Variants in FSTL5 observed in about 807,000 individuals in gnomAD.
FSTL5 encodes the protein follistatin-related protein 5.
A neutral mutation model predicts 89.1 loss-of-function variants in FSTL5; 62 were observed. The observed-to-expected ratio is 0.70, with a 90% CI of 0.57 to 0.86. The LOEUF is 0.86. FSTL5 is among the 40% of genes least tolerant of loss of function. The pLI, the probability that FSTL5 is intolerant of heterozygous loss-of-function variation, is 0.00. For missense variants in FSTL5, 1,057 were observed against 1,001.6 expected, an observed-to-expected ratio of 1.06 and a Z score of -0.75; for synonymous variants, 383 against 346.2, an observed-to-expected ratio of 1.11 and a Z score of -1.18.
chr4:162,080,551 CTG>C (rs1730052919), intron 2 of FSTL5, among the ~76,000 whole-genome samples: 1 of 151,636 alleles, frequency 6.6e-6, no homozygotes, highest in Non-Finnish European at 1.5e-5. Flanking sequence ...GTTTTATAAA[CTG>C]TGCCATTTAT....
intron 11 of FSTL5, among the ~76,000 whole-genome samples, chr4:161,508,988 C>A (rs1027214815): frequency 1.3e-5 from 2 of 152,176 alleles, no homozygotes; most frequent in Non-Finnish European, 2.9e-5. Context: ...TCAGAGAAAT[C>A]TTGCCCAGAG....
chr4:161,614,103 G>T (rs901453037), intron 7 of FSTL5, among the ~76,000 whole-genome samples: 1 of 152,144 alleles, frequency 6.6e-6, no homozygotes, highest in Non-Finnish European at 1.5e-5. Flanking sequence ...CCCTAAAGTA[G>T]GGGGTTCATA....
chr4:162,135,908 T>C (rs1732503065), intron 1 of FSTL5, among the ~76,000 whole-genome samples: 2 of 152,158 alleles, frequency 1.3e-5, no homozygotes, highest in African/African-American at 4.8e-5. Context: ...TTGTTCTCTA[T>C]ACACATTTTA....
intron 12 of FSTL5, among the ~76,000 whole-genome samples, chr4:161,486,740 C>G (rs1729694588): frequency 6.6e-6 from 1 of 152,138 alleles, no homozygotes; most frequent in Non-Finnish European, 1.5e-5. Context: ...ACCGTCAACA[C>G]AGTCTTCTGT....
intron 4 of FSTL5, among the ~76,000 whole-genome samples, chr4:161,851,536 T>A (rs895127461): frequency 6.6e-6 from 1 of 152,128 alleles, no homozygotes; most frequent in Non-Finnish European, 1.5e-5. Flanking sequence ...ACACTAAATA[T>A]ATGCACATAT....
chr4:161,842,152 C>A (rs1731229843), intron 4 of FSTL5, among the ~76,000 whole-genome samples: 1 of 152,150 alleles, frequency 6.6e-6, no homozygotes, highest in Non-Finnish European at 1.5e-5. Flanking sequence ...AGTCTGTGAA[C>A]CTTTCCGTGT....
At chr4:161,775,502 T>G (rs1174998171) in intron 5 of FSTL5, among the ~76,000 whole-genome samples, 1 of 152,182 alleles carries the variant, frequency 6.6e-6, no homozygotes, top group Admixed American at 6.5e-5. Context: ...TGTTCGGTAG[T>G]GCCCTTGAAT....
intron 4 of FSTL5, among the ~76,000 whole-genome samples, chr4:161,778,863 A>T (rs1355155110): frequency 6.6e-6 from 1 of 152,216 alleles, no homozygotes; most frequent in Non-Finnish European, 1.5e-5. Flanking sequence ...GGTGTGCATC[A>T]GGAAGGAGAG....
intron 8 of FSTL5, among the ~76,000 whole-genome samples, chr4:161,579,672 G>A (rs1309272337): frequency 1.3e-5 from 2 of 149,410 alleles, no homozygotes; most frequent in African/African-American, 2.5e-5. Flanking sequence ...AGCCAAGATC[G>A]TGCCATTGCA....
At chr4:161,668,983 G>T (rs1188770238) in intron 6 of FSTL5, among the ~76,000 whole-genome samples, 1 of 151,218 alleles carries the variant, frequency 6.6e-6, no homozygotes, top group Admixed American at 6.6e-5. Flanking sequence ...GTGGTGGTGC[G>T]TACCTATAAT....
intron 1 of FSTL5, among the ~76,000 whole-genome samples, chr4:162,161,835 A>C (rs1342048855): frequency 2.6e-5 from 4 of 152,054 alleles, no homozygotes; most frequent in Non-Finnish European, 2.9e-5. Flanking sequence ...TCACAGCCTA[A>C]ATATTTATAC....
chr4:161,761,599 A>G (rs1740807019), intron 5 of FSTL5, among the ~76,000 whole-genome samples: 1 of 152,204 alleles, frequency 6.6e-6, no homozygotes, highest in Admixed American at 6.5e-5. Flanking sequence ...AACTTAATGT[A>G]TTAGACCAAG....
intron 2 of FSTL5, among the ~76,000 whole-genome samples, chr4:162,104,634 A>T (rs1731140942): frequency 6.6e-6 from 1 of 152,176 alleles, no homozygotes; most frequent in Non-Finnish European, 1.5e-5. Context: ...AACTGGGCTT[A>T]ACAAAACTAG....
At chr4:161,496,069 C>G (rs138220515) in intron 12 of FSTL5, among the ~76,000 whole-genome samples, 133 of 152,150 alleles carry the variant, frequency 8.7e-4, no homozygotes, top group African/African-American at 3.1e-3. Flanking sequence ...ATGGCAATTG[C>G]AAATTAAGGA....
chr4:161,844,171 G>A (rs1045595039), intron 4 of FSTL5, among the ~76,000 whole-genome samples: 3 of 152,116 alleles, frequency 2.0e-5, no homozygotes, highest in African/African-American at 7.2e-5. Context: ...CATATATGCA[G>A]CCAATAAACA....
At chr4:161,449,844 A>G (rs2126388455) in intron 15 of FSTL5, among the ~76,000 whole-genome samples, 1 of 152,308 alleles carries the variant, frequency 6.6e-6, no homozygotes, top group South Asian at 2.1e-4. Context: ...CCCAAATGTT[A>G]GCTGTTCCCT....
At chr4:161,842,186 T>C (rs1731231393) in intron 4 of FSTL5, among the ~76,000 whole-genome samples, 1 of 152,182 alleles carries the variant, frequency 6.6e-6, no homozygotes, top group Non-Finnish European at 1.5e-5. Flanking sequence ...CCGTTTGCAA[T>C]ATAAATGCTA....
intron 3 of FSTL5, among the ~76,000 whole-genome samples, chr4:161,923,798 T>A (rs1224129847): frequency 2.6e-5 from 4 of 151,788 alleles, no homozygotes; most frequent in Admixed American, 6.6e-5. Context: ...TCTTAAAGCC[T>A]CTACACTAGT....
intron 14 of FSTL5, among the ~76,000 whole-genome samples, chr4:161,457,055 C>T (rs1299712919): frequency 6.6e-6 from 1 of 152,130 alleles, no homozygotes; most frequent in East Asian, 1.9e-4. Context: ...GCATTAGGCT[C>T]TCCACGTGAC....
Sources: allele counts gnomAD v4.1 joint callset (sites outside exome capture counted in the v4.1 genomes callset), GRCh38; gene constraint gnomAD v4.1.1; transcripts MANE v1.5; gene names NCBI Gene and HGNC (gene_info 2026-07-23, HGNC 2026-07-21).